The following AGPAT5 variants were observed in gnomAD, a reference collection of about 807,000 sequenced individuals.
AGPAT5 encodes the protein 1-acyl-sn-glycerol-3-phosphate acyltransferase epsilon.
In AGPAT5, 46 loss-of-function variants were observed where a neutral mutation model predicts 45.6. That is an observed-to-expected ratio of 1.01 (90% CI 0.80 to 1.29). AGPAT5 has a LOEUF of 1.29. AGPAT5 is among the 50% of genes most tolerant of loss of function. The pLI is 0.00. For missense variants in AGPAT5, 673 were observed against 450.7 expected (o/e 1.49, Z -4.47); for synonymous variants, 272 against 167.0 (o/e 1.63, Z -4.85).
intron 4 of AGPAT5, among the ~76,000 whole-genome samples, chr8:6,737,168 T>G (rs1216360173): frequency 6.6e-6 from 1 of 152,208 alleles, no homozygotes; most frequent in African/African-American, 2.4e-5. Context: ...ACTGGCAGGT[T>G]CAAGAGGCCG....
At chr8:6,737,689 G>A (rs967604295) in intron 4 of AGPAT5, among the ~76,000 whole-genome samples, 1 of 152,176 alleles carries the variant, frequency 6.6e-6, no homozygotes, top group Admixed American at 6.5e-5. Flanking sequence ...TTTCAGATAG[G>A]AGGCAGCCTG....
rs766356456 is a variant in AGPAT5 at position 6,708,717 on chromosome 8, C to G, written c.49C>G (p.Pro17Ala). 1.9e-6 allele frequency: 3 copies of G among 1,606,398 alleles called. No individual in the cohort carries two copies. Among genetic ancestry groups the G allele is most frequent in the Non-Finnish European group, 8.5e-7 (1 of 1,179,640 alleles). ...LHTYSMRYLL[P>A]SVVLLGTAPT... is the part of the protein sequence containing the mutation. Reference sequence around the variant, plus strand: ...CACGTACTCCATGCGCTACCTGCTGCCCAGCGTCGTGCTCCTGGGCACGGC... The same window carrying G: ...CACGTACTCCATGCGCTACCTGCTGGCCAGCGTCGTGCTCCTGGGCACGGC... The change falls in exon 1 of 8, where the codon CCC (proline) becomes GCC (alanine). Residue 17 changes from proline to alanine, a missense_variant. Pro to Ala is a conservative substitution (Grantham distance 27, BLOSUM62 -1). Coordinates refer to ENST00000285518, the MANE Select transcript of AGPAT5 (RefSeq NM_018361.5).
intron 6 of AGPAT5, among the ~76,000 whole-genome samples, chr8:6,750,678 C>A (rs201499286): frequency 6.6e-6 from 1 of 151,308 alleles, no homozygotes; most frequent in East Asian, 1.9e-4. Context: ...TCACATTTAA[C>A]CTCATTCATG....
chr8:6,733,724 T>A (rs1205062014), intron 4 of AGPAT5, among the ~76,000 whole-genome samples: 1 of 152,186 alleles, frequency 6.6e-6, no homozygotes, highest in Non-Finnish European at 1.5e-5. Context: ...AAAAAAAATT[T>A]AAAAATCATG....
intron 2 of AGPAT5, among the ~76,000 whole-genome samples, chr8:6,726,655 C>T (rs1429948051): frequency 6.6e-6 from 1 of 152,148 alleles, no homozygotes; most frequent in African/African-American, 2.4e-5. Context: ...AAAAACAATT[C>T]TGCATGTATT....
At position 6,758,626 on chromosome 8, in the gene AGPAT5, G is replaced by A. The variant is rs1169309802; in HGVS notation, c.*1238G>A. ...AATACAGACTTAATTTGTCATGACT[G>A]AACGAATTTGTTTATTTCCCATTAG... On this transcript the variant is annotated 3_prime_UTR_variant, in exon 8 of 8. Coordinates refer to ENST00000285518, the MANE Select transcript of AGPAT5 (RefSeq NM_018361.5). 1 of 152,520 alleles carries A rather than the reference G, an allele frequency of 6.6e-6. No homozygotes were observed. Among genetic ancestry groups the A allele is most frequent in the Non-Finnish European group, 1.5e-5 (1 of 68,046 alleles). The allele number at this position is 152,520 out of a possible 1,614,324, so 9.4% of individuals were successfully genotyped here.
At chr8:6,717,994 G>A (rs1309267070) in intron 1 of AGPAT5, among the ~76,000 whole-genome samples, 1 of 152,094 alleles carries the variant, frequency 6.6e-6, no homozygotes, top group Non-Finnish European at 1.5e-5. Flanking sequence ...TATGTCATCT[G>A]GATTAAGTGT....
Position 6,758,539 on chromosome 8 carries a change from A to G in AGPAT5, c.*1151A>G, listed in dbSNP as rs1027900045. 23 of 152,348 alleles carry G rather than the reference A, an allele frequency of 1.5e-4. No individual in the cohort carries two copies. The highest frequency in any genetic ancestry group is 5.5e-4 in the African/African-American group (23 of 41,450). 9.4% of individuals were successfully genotyped at this position (152,348 alleles called of 1,614,324 possible). ...TAAGCCCTTGTGAGTGGGCTTCACC[A>G]GCTACTGCAGAGGCATTTTGCATTT... On this transcript the variant is annotated 3_prime_UTR_variant, in exon 8 of 8. Transcript: ENST00000285518.
chr8:6,730,725 G>T lies in AGPAT5; in HGVS notation c.304G>T (p.Ala102Ser), dbSNP rs770132539. 5 of 1,612,998 alleles carry T rather than the reference G, an allele frequency of 3.1e-6. No homozygotes were observed. In the East Asian group the frequency reaches 8.9e-5, roughly 29 times the overall value. ...TGTCTCTGCAGTTGACTGGATTGTTGCTGACATCTTGGCCATCAGGCAGAA... is the reference window on the plus strand; with the variant it reads ...TGTCTCTGCAGTTGACTGGATTGTTTCTGACATCTTGGCCATCAGGCAGAA... ...NHQSTVDWIV[A>S]DILAIRQNAL... The change falls in exon 3 of 8, where the codon GCT (alanine) becomes TCT (serine). Residue 102 changes from alanine (A) to serine (S), a missense_variant. Physicochemically the swap from Ala to Ser is moderately conservative, Grantham distance 99 (BLOSUM62 1). Coordinates refer to ENST00000285518, the MANE Select transcript of AGPAT5 (RefSeq NM_018361.5).
intron 1 of AGPAT5, among the ~76,000 whole-genome samples, chr8:6,713,774 C>G (rs904748409): frequency 2.0e-5 from 3 of 151,990 alleles, no homozygotes; most frequent in African/African-American, 7.3e-5. Flanking sequence ...GCCATATTGC[C>G]CAGTCTGGTT....
intron 2 of AGPAT5, among the ~76,000 whole-genome samples, chr8:6,727,818 G>C (rs1800737837): frequency 6.6e-6 from 1 of 152,234 alleles, no homozygotes; most frequent in South Asian, 2.1e-4. Flanking sequence ...CCAGGTTCCT[G>C]TTCGGCATTG....
chr8:6,709,011 C>A, intron 1 of AGPAT5, 124 bp downstream of exon 1: 1 of 904,104 alleles, frequency 1.1e-6, no homozygotes. Flanking sequence ...ACGGAGAGCA[C>A]GTGCCGCCTC....
At chr8:6,724,602 TAGC>T (rs1316398438) in intron 1 of AGPAT5, among the ~76,000 whole-genome samples, 1 of 152,224 alleles carries the variant, frequency 6.6e-6, no homozygotes, top group African/African-American at 2.4e-5. Context: ...TATATATTGT[TAGC>T]AATCAATGAA....
intron 1 of AGPAT5, among the ~76,000 whole-genome samples, chr8:6,719,831 G>C (rs770293288): frequency 6.6e-6 from 1 of 152,172 alleles, no homozygotes; most frequent in East Asian, 1.9e-4. Flanking sequence ...GTTCTAATCC[G>C]AGTGAACCTG....
At chr8:6,711,687 T>C (rs1800159476) in intron 1 of AGPAT5, among the ~76,000 whole-genome samples, 1 of 152,202 alleles carries the variant, frequency 6.6e-6, no homozygotes, top group Non-Finnish European at 1.5e-5. Context: ...GCCAGCACTT[T>C]GAAATCAAGG....
In AGPAT5 at chr8:6,761,095, TATA is replaced by T. The variant is rs1447109069; in HGVS notation, c.*3714_*3716del. Among the ~76,000 whole-genome samples the T allele has an allele frequency of 1.3e-5, 2 of 152,204 alleles. No individual in the cohort carries two copies. The highest frequency in any genetic ancestry group is 2.4e-5 in the African/African-American group (1 of 41,464). ...TACCTTGTTATTATAATATGTATAC[TATA>T]ATAATAGCTGGTTATCCTGAGCAGG... On this transcript the variant is annotated 3_prime_UTR_variant, in exon 8 of 8. Coordinates refer to ENST00000285518, the MANE Select transcript of AGPAT5 (RefSeq NM_018361.5).
intron 5 of AGPAT5, 136 bp from the exon 6 acceptor site, chr8:6,747,534 C>G: frequency 1.2e-6 from 1 of 816,508 alleles, no homozygotes; most frequent in Admixed American, 3.1e-5. Flanking sequence ...ACTTAGAGCC[C>G]TAAATATATG....
At chr8:6,741,465 A>G (rs1801242882) in intron 4 of AGPAT5, among the ~76,000 whole-genome samples, 196 bp from the exon 5 acceptor site, 1 of 152,252 alleles carries the variant, frequency 6.6e-6, no homozygotes, top group South Asian at 2.1e-4. Flanking sequence ...TTTAAAATAT[A>G]GTTCACGTTA....
At chr8:6,714,476 A>G in intron 1 of AGPAT5, among the ~76,000 whole-genome samples, 1 of 152,240 alleles carries the variant, frequency 6.6e-6, no homozygotes, top group East Asian at 1.9e-4. Flanking sequence ...CACTTTATAA[A>G]TATAAACCTC....
Sources: gnomAD v4.1 joint callset for allele counts (sites outside exome capture counted in the v4.1 genomes callset) on GRCh38, gnomAD v4.1.1 for gene constraint, MANE v1.5 for transcripts, NCBI Gene and HGNC (gene_info 2026-07-23, HGNC 2026-07-21) for gene names.